Variants in CAMK2D observed in about 807,000 individuals in gnomAD.
CAMK2D encodes calcium/calmodulin dependent protein kinase II delta, also known as calcium/calmodulin-dependent protein kinase type II subunit delta.
Under a neutral mutation model 84.0 loss-of-function variants are expected in CAMK2D, and 37 were observed. That is an observed-to-expected ratio of 0.44 (90% CI 0.34 to 0.58). CAMK2D has a LOEUF of 0.58. Among genes scored for constraint, CAMK2D ranks in the 20% least tolerant of loss-of-function variants. CAMK2D has a pLI of 0.02. For synonymous variants in CAMK2D, 202 were observed against 212.5 expected, an observed-to-expected ratio of 0.95 and a Z score of 0.43; for missense variants, 448 against 652.5, an observed-to-expected ratio of 0.69 and a Z score of 3.41.
intron 16 of CAMK2D, among the ~76,000 whole-genome samples, chr4:113,469,116 C>CT (rs2097515295): frequency 6.6e-6 from 1 of 152,094 alleles, no homozygotes; most frequent in Admixed American, 6.5e-5. Flanking sequence ...TCTAAGAGGC[C>CT]TGGAAGAGTA....
intron 3 of CAMK2D, among the ~76,000 whole-genome samples, chr4:113,628,880 A>C (rs567511438): frequency 6.6e-6 from 1 of 152,080 alleles, no homozygotes; most frequent in Non-Finnish European, 1.5e-5. Flanking sequence ...CAATCTGTGA[A>C]CAAGAAAAAG....
intron 8 of CAMK2D, among the ~76,000 whole-genome samples, chr4:113,527,713 A>G (rs2098429051): frequency 6.6e-6 from 1 of 152,156 alleles, no homozygotes; most frequent in Non-Finnish European, 1.5e-5. Flanking sequence ...AATAAAACTT[A>G]TACATTATAA....
chr4:113,759,929 G>A (rs192682385), intron 1 of CAMK2D, among the ~76,000 whole-genome samples: 1 of 152,246 alleles, frequency 6.6e-6, no homozygotes, highest in Admixed American at 6.5e-5. Context: ...TGGACTGGGG[G>A]AGGGGAGAGA....
intron 3 of CAMK2D, among the ~76,000 whole-genome samples, chr4:113,640,095 G>A (rs2099126311): frequency 6.6e-6 from 1 of 151,806 alleles, no homozygotes; most frequent in African/African-American, 2.4e-5. Flanking sequence ...CTTGGGCAAG[G>A]CTTATAGCAG....
At chr4:113,504,891 C>A (rs1241152245) in intron 14 of CAMK2D, 85 bp downstream of exon 14, 12 of 508,848 alleles carry the variant, frequency 2.4e-5, no homozygotes, top group African/African-American at 4.2e-5. Context: ...ATATATGTAT[C>A]TATATAGTGA....
chr4:113,542,000 A>G (rs563161786), intron 6 of CAMK2D, among the ~76,000 whole-genome samples: 1 of 152,240 alleles, frequency 6.6e-6, no homozygotes, highest in Non-Finnish European at 1.5e-5. Flanking sequence ...TGTATGTGCT[A>G]TAAGTTTGCA....
intron 4 of CAMK2D, among the ~76,000 whole-genome samples, chr4:113,554,247 T>C (rs946971014): frequency 6.6e-6 from 1 of 152,120 alleles, no homozygotes; most frequent in African/African-American, 2.4e-5. Flanking sequence ...TTAAATGAAT[T>C]AACCCAGTTA....
intron 3 of CAMK2D, among the ~76,000 whole-genome samples, chr4:113,635,334 AGC>A (rs2099105956): frequency 6.6e-6 from 1 of 152,208 alleles, no homozygotes; most frequent in African/African-American, 2.4e-5. Flanking sequence ...TAAGAACACA[AGC>A]CAAGTTAAGG....
Position 113,451,756 on chromosome 4 carries a change from T to G in CAMK2D, c.*2789A>C, listed in dbSNP as rs1027017046. On this transcript the variant is annotated 3_prime_UTR_variant, in exon 21 of 21. Coordinates refer to ENST00000511664, the MANE Select transcript of CAMK2D (RefSeq NM_001321571.2). Reference sequence around the variant, plus strand: ...TATACTGCAGTAGAGGAGACACAAATAGAAATATATTTTCAAAACAATGTG... The same window carrying G: ...TATACTGCAGTAGAGGAGACACAAAGAGAAATATATTTTCAAAACAATGTG... 2.0e-5 allele frequency: 3 copies of G among 152,122 alleles called. No individual in the cohort carries two copies. Among genetic ancestry groups the G allele is most frequent in the African/African-American group, 7.2e-5 (3 of 41,408 alleles). The allele number at this position is 152,122 out of a possible 1,614,324, so 9.4% of individuals were successfully genotyped here. A position where few individuals can be genotyped will look rare whatever the true frequency, so the allele number is the denominator to read the frequency against.
chr4:113,531,248 G>C lies in CAMK2D; in HGVS notation c.569C>G (p.Pro190Arg). ...CCACATATCCACTGGCTTTCCATAA[G>C]GATCTTTACGTAAAACTTCTGGAGA... ...YLSPEVLRKDPYGKPVDMWAC... is the reference protein window; with the variant it reads ...YLSPEVLRKDRYGKPVDMWAC... The change falls in exon 8 of 21, where the codon CCT becomes CGT. Residue 190 changes from proline to arginine, a missense_variant. Transcript: ENST00000511664. 2.5e-6 allele frequency: 4 copies of C among 1,605,992 alleles called. No individual in the cohort carries two copies. Among genetic ancestry groups the C allele is most frequent in the Non-Finnish European group, 3.4e-6 (4 of 1,172,820 alleles).
intron 4 of CAMK2D, among the ~76,000 whole-genome samples, chr4:113,554,378 G>A (rs1016772053): frequency 1.3e-5 from 2 of 151,982 alleles, no homozygotes; most frequent in Non-Finnish European, 2.9e-5. Context: ...TAAGGGGTTC[G>A]TATTTAAAGG....
intron 3 of CAMK2D, among the ~76,000 whole-genome samples, chr4:113,640,535 T>C (rs529823793): frequency 8.5e-4 from 130 of 152,086 alleles, no homozygotes; most frequent in Non-Finnish European, 1.3e-3. Context: ...ATTAGGTAAA[T>C]AGTCCTAACA....
intron 7 of CAMK2D, among the ~76,000 whole-genome samples, chr4:113,533,835 G>A (rs202234305): frequency 2.0e-5 from 3 of 150,194 alleles, no homozygotes; most frequent in East Asian, 3.9e-4. Context: ...TATTCCAACA[G>A]ACCAGACTAG....
intron 4 of CAMK2D, among the ~76,000 whole-genome samples, chr4:113,605,144 T>C (rs910949307): frequency 6.6e-6 from 1 of 152,216 alleles, no homozygotes; most frequent in African/African-American, 2.4e-5. Context: ...GATTGACTCA[T>C]CACAGAAGAC....
chr4:113,533,327 T>C (rs914250199), intron 7 of CAMK2D, among the ~76,000 whole-genome samples: 62 of 152,102 alleles, frequency 4.1e-4, no homozygotes, highest in African/African-American at 1.4e-3. Flanking sequence ...CGGTACAATG[T>C]GACCTCATAA....
chr4:113,469,442 C>A (rs1025524529), intron 16 of CAMK2D, among the ~76,000 whole-genome samples: 6 of 152,320 alleles, frequency 3.9e-5, no homozygotes, highest in African/African-American at 1.4e-4. Flanking sequence ...CCTTCTCTAC[C>A]TGGATATTAA....
intron 2 of CAMK2D, among the ~76,000 whole-genome samples, chr4:113,712,778 G>GA (rs2099498001): frequency 6.7e-6 from 1 of 149,404 alleles, no homozygotes; most frequent in South Asian, 2.1e-4. Context: ...TTTCCAAAAA[G>GA]AAAAAAAAGG....
chr4:113,498,431 C>A (rs994009393), intron 16 of CAMK2D, among the ~76,000 whole-genome samples: 1 of 152,138 alleles, frequency 6.6e-6, no homozygotes, highest in African/African-American at 2.4e-5. Flanking sequence ...CTGGGTCTTA[C>A]AGAGAACACA....
At chr4:113,496,154 TCTAGGCACACCCACAC>T (rs1310909913) in intron 16 of CAMK2D, among the ~76,000 whole-genome samples, 1 of 152,176 alleles carries the variant, frequency 6.6e-6, no homozygotes, top group Admixed American at 6.5e-5. Context: ...CATCACTGAC[TCTAGGCACACCCACAC>T]CCCTGGCGAG....
Sources: gnomAD v4.1 joint callset for allele counts (sites outside exome capture counted in the v4.1 genomes callset) on GRCh38, gnomAD v4.1.1 for gene constraint, MANE v1.5 for transcripts, NCBI Gene and HGNC (gene_info 2026-07-23, HGNC 2026-07-21) for gene names.